The following HBS1L variants were observed in gnomAD, a reference collection of about 807,000 sequenced individuals.
The protein encoded by HBS1L is HBS1 like translational GTPase, also known as HBS1-like protein.
Under a neutral mutation model 88.9 loss-of-function variants are expected in HBS1L, and 55 were observed. That is an observed-to-expected ratio of 0.62 (90% CI 0.50 to 0.77). The LOEUF is 0.77. Among genes scored for constraint, HBS1L ranks in the 30% least tolerant of loss-of-function variants. The pLI is 0.00. For missense variants in HBS1L, 741 were observed against 829.3 expected, an observed-to-expected ratio of 0.89 and a Z score of 1.31; for synonymous variants, 267 against 288.5, an observed-to-expected ratio of 0.93 and a Z score of 0.76.
At chr6:135,007,340 T>C (rs1265512317) in intron 4 of HBS1L, among the ~76,000 whole-genome samples, 2 of 152,102 alleles carry the variant, frequency 1.3e-5, no homozygotes, top group Non-Finnish European at 2.9e-5. Flanking sequence ...AGGTACCCCT[T>C]TTAAAAACTA....
chr6:135,050,065 G>T (rs1777032462), intron 2 of HBS1L, among the ~76,000 whole-genome samples: 1 of 152,236 alleles, frequency 6.6e-6, no homozygotes, highest in Admixed American at 6.5e-5. Context: ...TAATCTAGAA[G>T]ATGCAGCTCT....
intron 4 of HBS1L, among the ~76,000 whole-genome samples, chr6:135,004,284 T>C (rs561683596): frequency 6.7e-6 from 1 of 150,126 alleles, no homozygotes; most frequent in East Asian, 2.0e-4. Flanking sequence ...AAAGTACAAT[T>C]AAAATTGTTA....
At chr6:135,041,914 T>C in intron 3 of HBS1L, 87 bp downstream of exon 3, 3 of 1,135,144 alleles carry the variant, frequency 2.6e-6, no homozygotes, top group Non-Finnish European at 3.9e-6. Context: ...TCATAGTCAC[T>C]GTTATAAACA....
At chr6:134,997,802 G>A in intron 5 of HBS1L, 146 bp from the exon 6 acceptor site, 1 of 746,410 alleles carries the variant, frequency 1.3e-6, no homozygotes, top group East Asian at 2.6e-5. Flanking sequence ...GTCTGTTAAG[G>A]TGGAAATGAT....
intron 15 of HBS1L, among the ~76,000 whole-genome samples, chr6:134,970,170 C>T (rs2114746873): frequency 6.6e-6 from 1 of 152,126 alleles, no homozygotes; most frequent in South Asian, 2.1e-4. Context: ...TCTTGCTCTG[C>T]TGCCCAGGTT....
intron 2 of HBS1L, 51 bp from the exon 3 acceptor site, chr6:135,042,177 A>G (rs1287768352): frequency 2.0e-6 from 3 of 1,490,274 alleles, no homozygotes; most frequent in Non-Finnish European, 2.7e-6. Flanking sequence ...TTTCCTATTA[A>G]CTTTTTTTTA....
Position 134,964,994 on chromosome 6 carries a change from T to C in HBS1L, c.*285A>G, listed in dbSNP as rs553773467. Reference sequence around the variant, plus strand: ...TTCATGATGATTCAGTATCTTCAGATACTATTTTTGACACTTGCCATAAAT... The same window carrying C: ...TTCATGATGATTCAGTATCTTCAGACACTATTTTTGACACTTGCCATAAAT... On this transcript the variant is annotated 3_prime_UTR_variant, in exon 18 of 18. Transcript: ENST00000367837. The C allele has an allele frequency of 6.5e-6, 3 of 464,292 alleles. No homozygotes were observed. In the Admixed American group the frequency reaches 1.2e-4, roughly 19 times the overall value. The allele number at this position is 464,292 out of a possible 1,614,324, so 28.8% of individuals were successfully genotyped here.
intron 4 of HBS1L, among the ~76,000 whole-genome samples, chr6:135,004,553 G>C (rs192538791): frequency 5.3e-5 from 8 of 152,260 alleles, no homozygotes; most frequent in Admixed American, 4.6e-4. Flanking sequence ...GATGGGCAGG[G>C]CCAGACAGTG....
At position 135,029,144 on chromosome 6, in the gene HBS1L, T is replaced by C. The variant is rs1042762056; in HGVS notation, c.430+10429A>G. Among the ~76,000 whole-genome samples, 4 of 152,036 alleles carry C rather than the reference T, an allele frequency of 2.6e-5. No homozygotes were observed. In the East Asian group the frequency reaches 7.7e-4, roughly 29 times the overall value. On this transcript the variant is annotated intron_variant, in intron 4 of 17. Transcript: ENST00000367837. ...TAAAATAATGAATCTGACACAGATA[T>C]GAGAAAAAATAATATTTTTTCAAAA...
intron 4 of HBS1L, among the ~76,000 whole-genome samples, chr6:135,021,598 T>C (rs1562301117): frequency 6.6e-6 from 1 of 152,146 alleles, no homozygotes; most frequent in Non-Finnish European, 1.5e-5. Context: ...TTAAATACCT[T>C]ACTAATGATA....
intron 4 of HBS1L, among the ~76,000 whole-genome samples, chr6:135,019,573 C>T (rs549622867): frequency 9.9e-5 from 15 of 151,860 alleles, no homozygotes; most frequent in African/African-American, 2.9e-4. Flanking sequence ...TTCATAGATT[C>T]GGCGTAATCC....
At chr6:135,009,216 G>T (rs1387523572) in intron 4 of HBS1L, among the ~76,000 whole-genome samples, 1 of 152,084 alleles carries the variant, frequency 6.6e-6, no homozygotes, top group African/African-American at 2.4e-5. Context: ...ATACAACTGT[G>T]GCCTGTGACA....
intron 16 of HBS1L, among the ~76,000 whole-genome samples, chr6:134,967,355 A>G (rs1774346207): frequency 6.6e-6 from 1 of 152,358 alleles, no homozygotes; most frequent in Non-Finnish European, 1.5e-5. Flanking sequence ...AATTCCAAAT[A>G]TTGGTTTTGG....
intron 4 of HBS1L, among the ~76,000 whole-genome samples, chr6:135,017,084 C>T (rs1775942977): frequency 6.6e-6 from 1 of 152,190 alleles, no homozygotes; most frequent in African/African-American, 2.4e-5. Flanking sequence ...ACCCGTTTAA[C>T]ATTATTTGCA....
intron 4 of HBS1L, among the ~76,000 whole-genome samples, chr6:135,023,296 T>C (rs981502656): frequency 6.6e-6 from 1 of 152,024 alleles, no homozygotes; most frequent in Non-Finnish European, 1.5e-5. Flanking sequence ...TACAAAAAAT[T>C]AGCCGGGCGT....
intron 4 of HBS1L, among the ~76,000 whole-genome samples, chr6:135,016,444 G>C (rs1775924448): frequency 6.6e-6 from 1 of 152,148 alleles, no homozygotes; most frequent in African/African-American, 2.4e-5. Flanking sequence ...TGAAGGCTAG[G>C]CTAATCTTCC....
At chr6:134,978,862 T>A (rs1235453276) in intron 14 of HBS1L, 75 bp from the exon 15 acceptor site, 4 of 873,170 alleles carry the variant, frequency 4.6e-6, no homozygotes, top group Non-Finnish European at 5.5e-6. Flanking sequence ...CTCAAAAACA[T>A]TTACAAGGAA....
intron 16 of HBS1L, among the ~76,000 whole-genome samples, chr6:134,967,642 A>C (rs1342517450): frequency 6.6e-6 from 1 of 152,120 alleles, no homozygotes; most frequent in African/African-American, 2.4e-5. Flanking sequence ...GGAGGGGAAG[A>C]CTCAGGATTA....
At chr6:135,002,702 G>A in intron 5 of HBS1L, 32 bp downstream of exon 5, 1 of 1,277,488 alleles carries the variant, frequency 7.8e-7, no homozygotes, top group Non-Finnish European at 1.1e-6. Flanking sequence ...TGGGGGTGGG[G>A]GTGGGGATGA....
Sources: allele counts gnomAD v4.1 joint callset (sites outside exome capture counted in the v4.1 genomes callset), GRCh38; gene constraint gnomAD v4.1.1; transcripts MANE v1.5; gene names NCBI Gene and HGNC (gene_info 2026-07-23, HGNC 2026-07-21).